Variants in ACBD6 observed in about 807,000 individuals in gnomAD.
The protein encoded by ACBD6 is acyl-CoA-binding domain-containing protein 6.
ACBD6 carries 28 observed loss-of-function variants against 37.2 expected under a neutral mutation model. The ratio of observed to expected loss-of-function variants is 0.75; its 90% confidence interval spans 0.56 to 1.03. The LOEUF (loss-of-function observed/expected upper bound fraction) is 1.03, where lower values mean the gene tolerates loss of function less well. ACBD6 is among the 50% of genes least tolerant of loss of function. The pLI is 0.00. For missense variants in ACBD6, 340 were observed against 337.4 expected (o/e 1.01, Z -0.06); for synonymous variants, 113 against 126.8 (o/e 0.89, Z 0.73).
At chr1:180,370,568 A>G (rs1429551241) in intron 6 of ACBD6, among the ~76,000 whole-genome samples, 1 of 152,200 alleles carries the variant, frequency 6.6e-6, no homozygotes, top group African/African-American at 2.4e-5. Flanking sequence ...TTAGTTAAAT[A>G]TAGATTTTAT....
chr1:180,320,284 T>C (rs1251283398), intron 6 of ACBD6, among the ~76,000 whole-genome samples: 1 of 152,224 alleles, frequency 6.6e-6, no homozygotes, highest in African/African-American at 2.4e-5. Context: ...ATATAACTGA[T>C]TGCCATTTTT....
intron 7 of ACBD6, among the ~76,000 whole-genome samples, chr1:180,302,579 C>T (rs58780201): frequency 0.011 from 1,608 of 152,150 alleles, 24 homozygotes; most frequent in African/African-American, 0.035. Flanking sequence ...GTAGATCTTC[C>T]TTCATCCCTT....
intron 7 of ACBD6, among the ~76,000 whole-genome samples, chr1:180,300,853 G>C (rs1399781417): frequency 6.6e-6 from 1 of 152,128 alleles, no homozygotes; most frequent in African/African-American, 2.4e-5. Flanking sequence ...ACTGACCAAG[G>C]TAACCAATAA....
intron 3 of ACBD6, among the ~76,000 whole-genome samples, chr1:180,432,129 C>T (rs1648836843): frequency 6.6e-6 from 1 of 151,446 alleles, no homozygotes; most frequent in African/African-American, 2.4e-5. Context: ...ATTGCTTCAG[C>T]CTGGGATGCA....
At chr1:180,396,446 A>G (rs894625579) in intron 6 of ACBD6, among the ~76,000 whole-genome samples, 3 of 152,146 alleles carry the variant, frequency 2.0e-5, no homozygotes, top group Admixed American at 2.0e-4. Context: ...AAAACAAATG[A>G]TAGAGTTCAT....
At chr1:180,398,808 C>A (rs1393482903) in intron 5 of ACBD6, among the ~76,000 whole-genome samples, 1 of 152,148 alleles carries the variant, frequency 6.6e-6, no homozygotes, top group African/African-American at 2.4e-5. Context: ...ATGATGTTGT[C>A]ATTTATAAAG....
chr1:180,413,961 G>A (rs1558289220), intron 4 of ACBD6, among the ~76,000 whole-genome samples: 1 of 152,074 alleles, frequency 6.6e-6, no homozygotes, highest in Non-Finnish European at 1.5e-5. Flanking sequence ...CTGCCAAATG[G>A]TACTACATTT....
At chr1:180,367,837 T>C (rs1653106103) in intron 6 of ACBD6, among the ~76,000 whole-genome samples, 1 of 152,248 alleles carries the variant, frequency 6.6e-6, no homozygotes, top group South Asian at 2.1e-4. Context: ...TTGTGAATAG[T>C]ACTGCAGTGA....
At chr1:180,391,412 C>A (rs747313564) in intron 6 of ACBD6, among the ~76,000 whole-genome samples, 1 of 152,014 alleles carries the variant, frequency 6.6e-6, no homozygotes, top group East Asian at 1.9e-4. Flanking sequence ...ACATCTGAAA[C>A]GAGACTTGTA....
chr1:180,299,905 A>C (rs1650066152), intron 7 of ACBD6, among the ~76,000 whole-genome samples: 1 of 152,206 alleles, frequency 6.6e-6, no homozygotes, highest in African/African-American at 2.4e-5. Context: ...GATTAAAAAA[A>C]AACCCAGGTA....
chr1:180,467,452 A>C (rs1650392289), intron 3 of ACBD6, among the ~76,000 whole-genome samples: 1 of 143,804 alleles, frequency 7.0e-6, no homozygotes, highest in Non-Finnish European at 1.5e-5. Context: ...TCTCTGCAAA[A>C]AAAAAAAAAA....
chr1:180,413,601 G>GT (rs1277714932), intron 4 of ACBD6, 130 bp from the exon 5 acceptor site: 1 of 679,892 alleles, frequency 1.5e-6, no homozygotes, highest in Non-Finnish European at 2.5e-6. Context: ...TACATGAACA[G>GT]TAACAGTTTT....
At chr1:180,392,533 C>T (rs1654115492) in intron 6 of ACBD6, among the ~76,000 whole-genome samples, 1 of 152,124 alleles carries the variant, frequency 6.6e-6, no homozygotes, top group Admixed American at 6.6e-5. Context: ...TTGGCCTTCA[C>T]TAGCTCTATA....
chr1:180,270,886 GGCT>G, exon 14 of ACBD6: 8 of 208,390 alleles, frequency 3.8e-5, no homozygotes, highest in South Asian at 1.3e-4. Flanking sequence ...GCTCACCCCT[GGCT>G]GTGAGCCCAG....
intron 3 of ACBD6, among the ~76,000 whole-genome samples, chr1:180,470,873 T>C (rs1650539284): frequency 6.6e-6 from 1 of 152,248 alleles, no homozygotes; most frequent in African/African-American, 2.4e-5. Context: ...ATTAAAATGG[T>C]ATTTGAGACC....
At chr1:180,321,801 T>A (rs1366194005) in intron 6 of ACBD6, among the ~76,000 whole-genome samples, 1 of 152,186 alleles carries the variant, frequency 6.6e-6, no homozygotes, top group East Asian at 1.9e-4. Flanking sequence ...GATCCTATAA[T>A]CTTATGATAA....
intron 6 of ACBD6, among the ~76,000 whole-genome samples, chr1:180,381,107 G>A (rs923656945): frequency 2.0e-5 from 3 of 152,004 alleles, no homozygotes; most frequent in Non-Finnish European, 4.4e-5. Context: ...GTCAAAACCA[G>A]TAAAAAGAGA....
At chr1:180,487,102 T>C (rs150287250) in intron 3 of ACBD6, among the ~76,000 whole-genome samples, 5 of 152,296 alleles carry the variant, frequency 3.3e-5, no homozygotes, top group Non-Finnish European at 5.9e-5. Flanking sequence ...GACCCTGCGT[T>C]AGAAGATGGA....
At chr1:180,466,939 G>A (rs1439311776) in intron 3 of ACBD6, among the ~76,000 whole-genome samples, 1 of 151,994 alleles carries the variant, frequency 6.6e-6, no homozygotes, top group East Asian at 1.9e-4. Flanking sequence ...AATATGTATA[G>A]ATGTACCTGT....
Sources: allele counts gnomAD v4.1 joint callset (sites outside exome capture counted in the v4.1 genomes callset), GRCh38; gene constraint gnomAD v4.1.1; transcripts MANE v1.5; gene names NCBI Gene and HGNC (gene_info 2026-07-23, HGNC 2026-07-21).